STK32B: variants seen among roughly 807,000 people sequenced by gnomAD.
The protein encoded by STK32B is serine/threonine-protein kinase 32B.
STK32B carries 43 observed loss-of-function variants against 52.6 expected under a neutral mutation model. The ratio of observed to expected loss-of-function variants is 0.82; its 90% confidence interval spans 0.64 to 1.05. The LOEUF is 1.05. Among genes scored for constraint, STK32B ranks in the 50% least tolerant of loss-of-function variants. The pLI is 0.00. For synonymous variants in STK32B, 238 were observed against 204.3 expected, an observed-to-expected ratio of 1.17 and a Z score of -1.41; for missense variants, 621 against 534.6, an observed-to-expected ratio of 1.16 and a Z score of -1.59.
intron 3 of STK32B, among the ~76,000 whole-genome samples, chr4:5,316,230 T>C (rs1206051171): frequency 1.4e-5 from 1 of 71,794 alleles, no homozygotes; most frequent in Non-Finnish European, 2.2e-5. Context: ...ATATTATATA[T>C]ACAATATTAT....
intron 3 of STK32B, among the ~76,000 whole-genome samples, chr4:5,174,659 G>C (rs935068541): frequency 1.2e-4 from 18 of 152,192 alleles, no homozygotes; most frequent in African/African-American, 3.9e-4. Context: ...TAGAGTTTCT[G>C]CCGAGAGATC....
intron 11 of STK32B, among the ~76,000 whole-genome samples, chr4:5,480,779 G>A (rs966953000): frequency 6.7e-6 from 1 of 149,048 alleles, no homozygotes; most frequent in Non-Finnish European, 1.5e-5. Flanking sequence ...TCCCCTTCCT[G>A]TGTCCATGTG....
intron 3 of STK32B, among the ~76,000 whole-genome samples, chr4:5,169,041 ACACT>A (rs1719120421): frequency 6.6e-6 from 1 of 152,050 alleles, no homozygotes; most frequent in Admixed American, 6.6e-5. Flanking sequence ...TCTTCCTAAA[ACACT>A]CACGTCCCCT....
chr4:5,279,141 C>CACTTGACTTGG (rs1213578405), intron 3 of STK32B, among the ~76,000 whole-genome samples: 3 of 152,224 alleles, frequency 2.0e-5, no homozygotes, highest in African/African-American at 7.2e-5. Flanking sequence ...CTCATTCCAG[C>CACTTGACTTGG]ACTAACTTGA....
intron 3 of STK32B, among the ~76,000 whole-genome samples, chr4:5,221,650 G>A (rs1723544961): frequency 6.6e-6 from 1 of 152,054 alleles, no homozygotes; most frequent in African/African-American, 2.4e-5. Context: ...TTCAGGTGTT[G>A]TTTGAGACCA....
At chr4:5,157,653 G>C (rs953488904) in intron 2 of STK32B, among the ~76,000 whole-genome samples, 1 of 152,222 alleles carries the variant, frequency 6.6e-6, no homozygotes, top group Non-Finnish European at 1.5e-5. Context: ...AGCAGGCTGT[G>C]TATCTCCAGT....
chr4:5,370,923 T>C (rs1170610835), intron 4 of STK32B, among the ~76,000 whole-genome samples: 2 of 151,712 alleles, frequency 1.3e-5, no homozygotes, highest in Non-Finnish European at 2.9e-5. Flanking sequence ...CAGTAAGCCA[T>C]GATCATGCCA....
chr4:5,498,186 T>C (rs1490449763), intron 11 of STK32B, among the ~76,000 whole-genome samples: 2 of 152,160 alleles, frequency 1.3e-5, no homozygotes, highest in Non-Finnish European at 2.9e-5. Flanking sequence ...CTTAAACGTC[T>C]CCATTCCGTT....
chr4:5,107,880 AT>A (rs1390453054), intron 1 of STK32B, among the ~76,000 whole-genome samples: 8 of 152,060 alleles, frequency 5.3e-5, no homozygotes, highest in South Asian at 2.1e-4. Flanking sequence ...TTGCCATCTT[AT>A]TTTTTATATA....
chr4:5,490,499 G>C (rs770056370), intron 11 of STK32B, among the ~76,000 whole-genome samples: 32 of 151,988 alleles, frequency 2.1e-4, no homozygotes, highest in Admixed American at 1.3e-4. Context: ...AGAATAATGT[G>C]ACTAAATTAT....
chr4:5,460,618 G>T lies in STK32B; in HGVS notation c.909+390G>T, dbSNP rs1309114167. ...GCACTTGTTGCACAAGCTCGGAAGA[G>T]GGAGAGGTGGGATGGGAGGGGCAGA... is the stretch of plus-strand genomic sequence containing the variant. On this transcript the variant is annotated intron_variant, in intron 9 of 11. Transcript: ENST00000282908. This position sits in a 1 kb window ranked among gnomAD's most constrained non-coding sequence, Gnocchi z 4.8. 2.6e-5 allele frequency among the ~76,000 whole-genome samples: 4 copies of T among 152,224 alleles called. No homozygotes were observed. The highest frequency in any genetic ancestry group is 1.3e-4 in the Admixed American group (2 of 15,288).
chr4:5,338,589 A>G (rs1412603603), intron 4 of STK32B, among the ~76,000 whole-genome samples: 3 of 152,232 alleles, frequency 2.0e-5, no homozygotes, highest in Admixed American at 6.5e-5. Flanking sequence ...TCATGTGGAC[A>G]TTGGTGAGAT....
chr4:5,355,957 G>A (rs1282650617), intron 4 of STK32B, among the ~76,000 whole-genome samples: 1 of 152,140 alleles, frequency 6.6e-6, no homozygotes, highest in East Asian at 1.9e-4. Flanking sequence ...TGCTGAGCTA[G>A]TTAGGACTCA....
rs1406016909 is a variant in STK32B at position 5,294,078 on chromosome 4, G to A, written c.261-37142G>A. ...CCCATTGGTTGTTTTTGTCAAGTTT[G>A]TCAAAGATCAGATGGTTGTAGATGG... On this transcript the variant is annotated intron_variant, in intron 3 of 11. Transcript: ENST00000282908. Among the ~76,000 whole-genome samples the A allele has an allele frequency of 3.9e-5, 6 of 152,146 alleles. No individual in the cohort carries two copies. The East Asian group carries it at 1.2e-3, about 29-fold the overall frequency.
chr4:5,226,652 C>G (rs1723893872), intron 3 of STK32B, among the ~76,000 whole-genome samples: 1 of 152,142 alleles, frequency 6.6e-6, no homozygotes, highest in African/African-American at 2.4e-5. Context: ...CCAAGTAGCC[C>G]TTACTTAATA....
intron 4 of STK32B, among the ~76,000 whole-genome samples, chr4:5,383,901 G>A (rs746462697): frequency 6.6e-6 from 1 of 152,204 alleles, no homozygotes; most frequent in Non-Finnish European, 1.5e-5. Context: ...TATCCTAATG[G>A]GGAGAGAGAC....
chr4:5,248,044 C>A (rs1250778709), intron 3 of STK32B, among the ~76,000 whole-genome samples: 1 of 152,182 alleles, frequency 6.6e-6, no homozygotes, highest in Non-Finnish European at 1.5e-5. Context: ...TTATTGGCAA[C>A]CGCAGCTACA....
intron 4 of STK32B, among the ~76,000 whole-genome samples, chr4:5,348,817 A>G (rs1393327138): frequency 6.6e-6 from 1 of 152,170 alleles, no homozygotes; most frequent in East Asian, 1.9e-4. Flanking sequence ...ACCCCTCACC[A>G]GTACCTGAGC....
At chr4:5,367,851 C>G (rs954457894) in intron 4 of STK32B, among the ~76,000 whole-genome samples, 13 of 152,180 alleles carry the variant, frequency 8.5e-5, no homozygotes, top group African/African-American at 3.1e-4. Flanking sequence ...CAAGTCCAAT[C>G]TAGTCCAGTT....
Sources: allele counts gnomAD v4.1 joint callset (sites outside exome capture counted in the v4.1 genomes callset), GRCh38; gene constraint gnomAD v4.1.1; non-coding constraint Gnocchi (gnomAD v3.1); transcripts MANE v1.5; gene names NCBI Gene and HGNC (gene_info 2026-07-23, HGNC 2026-07-21).